SYNPO2: variants seen among roughly 807,000 people sequenced by gnomAD.
SYNPO2 encodes synaptopodin 2.
A neutral mutation model predicts 85.0 loss-of-function variants in SYNPO2; 56 were observed. The observed-to-expected ratio is 0.66, with a 90% CI of 0.53 to 0.82. The LOEUF is 0.82. SYNPO2 is among the 40% of genes least tolerant of loss of function. SYNPO2 has a pLI of 0.00. For missense variants in SYNPO2, 1,575 were observed against 1,534.2 expected, an observed-to-expected ratio of 1.03 and a Z score of -0.44; for synonymous variants, 602 against 591.1, an observed-to-expected ratio of 1.02 and a Z score of -0.27.
intron 1 of SYNPO2, among the ~76,000 whole-genome samples, 177 bp downstream of exon 1, chr4:118,889,318 C>T (rs1357779305): frequency 6.6e-6 from 1 of 152,092 alleles, no homozygotes; most frequent in Non-Finnish European, 1.5e-5. Flanking sequence ...GAGTAATGGG[C>T]CACATCCTAT....
At chr4:119,050,404 G>C (rs1166370577) in intron 4 of SYNPO2, among the ~76,000 whole-genome samples, 1 of 151,930 alleles carries the variant, frequency 6.6e-6, no homozygotes, top group Non-Finnish European at 1.5e-5. Context: ...AGGAACTCTG[G>C]TATGAGACTG....
chr4:118,922,258 G>T (rs1476588792), intron 1 of SYNPO2, among the ~76,000 whole-genome samples: 2 of 151,954 alleles, frequency 1.3e-5, no homozygotes, highest in Admixed American at 6.6e-5. Flanking sequence ...TTATCGATTC[G>T]AATCAGGTGT....
chr4:119,038,927 T>C lies in SYNPO2; in HGVS notation c.3252+6900T>C, dbSNP rs145132517. Among the ~76,000 whole-genome samples the C allele has an allele frequency of 2.0e-3, 311 of 152,242 alleles. 1 individual carries two copies. The highest frequency in any genetic ancestry group is 3.1e-3 in the Non-Finnish European group (212 of 67,992). On this transcript the variant is annotated intron_variant, in intron 4 of 4. Transcript: ENST00000307142. ...TTTTTTTTCCTTTTATATATCATTGTTATTTTGAAAACATCTCCTGAGGAA... is the reference window on the plus strand; with the variant it reads ...TTTTTTTTCCTTTTATATATCATTGCTATTTTGAAAACATCTCCTGAGGAA...
chr4:118,971,400 C>G (rs1358963094), intron 1 of SYNPO2, among the ~76,000 whole-genome samples: 1 of 152,224 alleles, frequency 6.6e-6, no homozygotes, highest in Non-Finnish European at 1.5e-5. Context: ...CTTAGAGTAG[C>G]TCTCCTACAT....
Position 118,888,915 on chromosome 4 carries a change from C to A in SYNPO2, c.-122C>A. The A allele has an allele frequency of 2.1e-6, 2 of 933,094 alleles. No individual in the cohort carries two copies. Among genetic ancestry groups the A allele is most frequent in the Non-Finnish European group, 3.3e-6 (2 of 600,322 alleles). 57.8% of individuals were successfully genotyped at this position (933,094 alleles called of 1,614,324 possible). ...GGGCAGCGGCTGCAGCAGCGGCGGA[C>A]GCTCTGCATTACCCAGTCTTGCGTC... On this transcript the variant is annotated 5_prime_UTR_variant, in exon 1 of 5. Transcript: ENST00000307142.
chr4:119,051,144 A>G (rs1739023707), intron 4 of SYNPO2, among the ~76,000 whole-genome samples: 1 of 150,128 alleles, frequency 6.7e-6, no homozygotes, highest in African/African-American at 2.5e-5. Context: ...AGTAGATGTA[A>G]TCCATGTTAG....
At chr4:118,922,725 T>C (rs1733582211) in intron 1 of SYNPO2, among the ~76,000 whole-genome samples, 1 of 151,998 alleles carries the variant, frequency 6.6e-6, no homozygotes, top group Non-Finnish European at 1.5e-5. Context: ...CTGATTTCTG[T>C]TAGTTGTGAA....
At chr4:118,971,891 C>T (rs1019715776) in intron 1 of SYNPO2, among the ~76,000 whole-genome samples, 3 of 152,186 alleles carry the variant, frequency 2.0e-5, no homozygotes, top group African/African-American at 7.2e-5. Context: ...TGGACATTCC[C>T]TCTTTTGAGA....
intron 1 of SYNPO2, among the ~76,000 whole-genome samples, chr4:118,983,607 G>A (rs191758591): frequency 1.1e-4 from 16 of 152,048 alleles, no homozygotes; most frequent in African/African-American, 3.4e-4. Context: ...ATACTCACTC[G>A]CTGAACATTT....
chr4:118,971,006 A>G (rs1383237306), intron 1 of SYNPO2, among the ~76,000 whole-genome samples: 2 of 152,168 alleles, frequency 1.3e-5, no homozygotes, highest in Non-Finnish European at 2.9e-5. Flanking sequence ...TGTTAGACCA[A>G]CACTCTCTGG....
rs146234089 is a variant in SYNPO2, at chr4:118,890,988, T to A, written c.105+1847T>A. Among the ~76,000 whole-genome samples the A allele has an allele frequency of 3.3e-5, 5 of 152,246 alleles. No homozygotes were observed. In the East Asian group the frequency reaches 9.7e-4, roughly 29 times the overall value. On this transcript the variant is annotated intron_variant, in intron 1 of 4. Coordinates refer to ENST00000307142, the MANE Select transcript of SYNPO2 (RefSeq NM_133477.3). ...AAGAATAGAGTGGGTAGTGGGTTTC[T>A]TCTGAGTTCTGCATGTGACGATTTC...
intron 1 of SYNPO2, among the ~76,000 whole-genome samples, chr4:118,875,780 T>C (rs1463712102): frequency 1.6e-4 from 25 of 152,246 alleles, no homozygotes; most frequent in Admixed American, 1.6e-3. Flanking sequence ...TACAATGTGT[T>C]GGTGTTGTGG....
intron 1 of SYNPO2, among the ~76,000 whole-genome samples, chr4:118,853,002 C>G (rs997983727): frequency 1.3e-5 from 2 of 152,184 alleles, no homozygotes; most frequent in African/African-American, 4.8e-5. Context: ...TTGTCAAGCT[C>G]ACAGTGGCAG....
At chr4:119,022,184 T>G (rs1263334911) in intron 1 of SYNPO2, among the ~76,000 whole-genome samples, 1 of 152,164 alleles carries the variant, frequency 6.6e-6, no homozygotes, top group East Asian at 1.9e-4. Flanking sequence ...TACAGCTCTC[T>G]CCTCAAACAA....
upstream of SYNPO2, among the ~76,000 whole-genome samples, chr4:118,884,784 G>A (rs1300078235): frequency 6.6e-6 from 1 of 152,062 alleles, no homozygotes; most frequent in Non-Finnish European, 1.5e-5. Flanking sequence ...TATTAATTGG[G>A]CACCAATCAT....
chr4:118,886,175 G>A (rs1732195737), upstream of SYNPO2, among the ~76,000 whole-genome samples: 2 of 152,126 alleles, frequency 1.3e-5, no homozygotes, highest in South Asian at 4.1e-4. Context: ...TTGAGGAGCA[G>A]AAGGGACATG....
chr4:118,889,201 G>T (rs1732284589), intron 1 of SYNPO2, 60 bp downstream of exon 1: 2 of 1,471,722 alleles, frequency 1.4e-6, no homozygotes, highest in African/African-American at 2.8e-5. Flanking sequence ...AAAGCAACCT[G>T]CTGATGGTGT....
At chr4:118,949,675 G>A (rs1734631436) in intron 1 of SYNPO2, among the ~76,000 whole-genome samples, 1 of 151,948 alleles carries the variant, frequency 6.6e-6, no homozygotes, top group African/African-American at 2.4e-5. Context: ...CTTGAACCCA[G>A]GAAGTGGAGG....
intron 1 of SYNPO2, among the ~76,000 whole-genome samples, chr4:119,008,777 C>CT (rs1441649351): frequency 1.4e-4 from 22 of 151,760 alleles, no homozygotes; most frequent in Admixed American, 5.9e-4. Context: ...TTTTGCTGAA[C>CT]TTTAACTCTT....
Sources: gnomAD v4.1 joint callset for allele counts (sites outside exome capture counted in the v4.1 genomes callset) on GRCh38, gnomAD v4.1.1 for gene constraint, MANE v1.5 for transcripts, NCBI Gene and HGNC (gene_info 2026-07-23, HGNC 2026-07-21) for gene names.